The following LIPG variants were observed in gnomAD, a reference collection of about 807,000 sequenced individuals.
LIPG encodes endothelial lipase.
In LIPG, 34 loss-of-function variants were observed where a neutral mutation model predicts 51.8. That is an observed-to-expected ratio of 0.66 (90% CI 0.50 to 0.87). The LOEUF is 0.87. Ranked by LOEUF, LIPG falls within the 40% of genes least tolerant of loss-of-function variation. The pLI is 0.00. For synonymous variants in LIPG, 246 were observed against 246.1 expected (o/e 1.00, Z 0.00); for missense variants, 580 against 652.7 (o/e 0.89, Z 1.21).
intron 5 of LIPG, among the ~76,000 whole-genome samples, chr18:49,576,456 G>GTTTTTTTTT (rs1568530697): frequency 3.2e-5 from 1 of 31,328 alleles, no homozygotes; most frequent in Non-Finnish European, 6.3e-5. Flanking sequence ...ACAGAATCTT[G>GTTTTTTTTT]CTTTTTTTTT....
chr18:49,583,022 C>T (rs1349232091), intron 7 of LIPG, among the ~76,000 whole-genome samples: 1 of 152,152 alleles, frequency 6.6e-6, no homozygotes, highest in Non-Finnish European at 1.5e-5. Flanking sequence ...CACACTTACA[C>T]ACAGGTAGGG....
intron 4 of LIPG, among the ~76,000 whole-genome samples, chr18:49,571,869 T>C (rs1292018322): frequency 6.6e-6 from 1 of 152,184 alleles, no homozygotes; most frequent in Non-Finnish European, 1.5e-5. Context: ...TTTCTTAGGC[T>C]TCTGAGAGAA....
chr18:49,564,567 A>C (rs1425123142), intron 1 of LIPG, among the ~76,000 whole-genome samples: 1 of 152,246 alleles, frequency 6.6e-6, no homozygotes, highest in Admixed American at 6.5e-5. Flanking sequence ...ACATGCCATC[A>C]CTAGAAAGGG....
chr18:49,575,957 G>A (rs950216587), intron 5 of LIPG, among the ~76,000 whole-genome samples: 4 of 151,430 alleles, frequency 2.6e-5, no homozygotes, highest in African/African-American at 9.7e-5. Context: ...TCCTGACTCA[G>A]CCTCCTGAGT....
intron 8 of LIPG, among the ~76,000 whole-genome samples, chr18:49,585,252 G>A (rs2084869068): frequency 6.6e-6 from 1 of 151,866 alleles, no homozygotes; most frequent in Admixed American, 6.6e-5. Flanking sequence ...TATTACAGAC[G>A]GGGTTTCGCC....
In LIPG at chr18:49,562,227, G is replaced by A; in HGVS notation, c.-82G>A. ...CCCTGGCCGAGAGAAGGGTCTTACC[G>A]GCCGGGATTGCTGGAAACACCAAGA... On this transcript the variant is annotated 5_prime_UTR_variant, in exon 1 of 10. Coordinates refer to ENST00000261292, the MANE Select transcript of LIPG (RefSeq NM_006033.4). 1.9e-6 allele frequency: 3 copies of A among 1,608,376 alleles called. No homozygotes were observed. The highest frequency in any genetic ancestry group is 2.5e-6 in the Non-Finnish European group (3 of 1,178,928).
rs144399612 is a variant in LIPG at position 49,587,240 on chromosome 18, C to T, written c.1481+390C>T. Among the ~76,000 whole-genome samples the T allele has an allele frequency of 7.3e-4, 110 of 151,482 alleles. 2 individuals are homozygous for T. Among genetic ancestry groups the T allele is most frequent in the African/African-American group, 2.6e-3 (106 of 41,262 alleles). ...AGTGAGCTGAGACCGCAATGTTGCA[C>T]TCCAGCCTAGGTGACAAGAATGAAG... On this transcript the variant is annotated intron_variant, in intron 9 of 9. Coordinates refer to ENST00000261292, the MANE Select transcript of LIPG (RefSeq NM_006033.4).
Position 49,597,544 on chromosome 18 carries a change from C to G in LIPG, c.*7022C>G, listed in dbSNP as rs911766922. On this transcript the variant is annotated 3_prime_UTR_variant, in exon 10 of 10. Coordinates refer to ENST00000261292, the MANE Select transcript of LIPG (RefSeq NM_006033.4). ...TCCTAAACCTTTGTGGTTATCCATA[C>G]CATTTAACCTTGACTTTCCTTAAAT... 2 of 152,164 alleles carry G rather than the reference C, an allele frequency of 1.3e-5. No homozygotes were observed. Among genetic ancestry groups the G allele is most frequent in the African/African-American group, 2.4e-5 (1 of 41,438 alleles). The allele number at this position is 152,164 out of a possible 1,614,324, so 9.4% of individuals were successfully genotyped here.
intron 6 of LIPG, 122 bp downstream of exon 6, chr18:49,581,779 G>A (rs945162294): frequency 8.0e-6 from 10 of 1,249,920 alleles, no homozygotes; most frequent in Middle Eastern, 2.6e-4. Context: ...CAATCAAATC[G>A]TTGCAAATCA....
intron 5 of LIPG, among the ~76,000 whole-genome samples, chr18:49,578,050 A>G (rs1441638391): frequency 2.2e-4 from 26 of 116,720 alleles, no homozygotes; most frequent in Admixed American, 1.6e-3. Context: ...CCCGGATGGC[A>G]CGGCTGGCCG....
Position 49,581,544 on chromosome 18 carries a change from G to C in LIPG, c.923G>C (p.Cys308Ser). ...TDSNRFKKGI[C>S]LSCRKNRCNS... ...TCCAATCGCTTCAAAAAGGGGATCT[G>C]TCTGAGCTGCCGCAAGAACCGTTGT... Residue 308 changes from cysteine (C) to serine (S), a missense_variant, in exon 6 of 10, where the codon TGT becomes TCT. Cys to Ser is a moderately radical substitution (Grantham distance 112). Transcript: ENST00000261292. The C allele has an allele frequency of 6.2e-7, 1 of 1,614,218 alleles. No individual in the cohort carries two copies. Among genetic ancestry groups the C allele is most frequent in the Admixed American group, 1.7e-5 (1 of 60,026 alleles).
At chr18:49,584,374 C>A (rs893135592) in intron 8 of LIPG, among the ~76,000 whole-genome samples, 1 of 152,220 alleles carries the variant, frequency 6.6e-6, no homozygotes, top group Non-Finnish European at 1.5e-5. Context: ...CCAAGCCTAG[C>A]ATAAAAGATC....
At chr18:49,582,508 G>C in intron 7 of LIPG, 26 bp downstream of exon 7, 1 of 1,614,160 alleles carries the variant, frequency 6.2e-7, no homozygotes, top group Non-Finnish European at 8.5e-7. Flanking sequence ...CCCTTGCTGG[G>C]TTCGGGACAG....
intron 4 of LIPG, among the ~76,000 whole-genome samples, chr18:49,570,883 G>C (rs888838195): frequency 6.6e-6 from 1 of 152,178 alleles, no homozygotes; most frequent in African/African-American, 2.4e-5. Flanking sequence ...TAACGATTTG[G>C]TAAAGGTAGA....
rs1555778414 is a variant in LIPG, at chr18:49,579,743, T to TC, written c.794-1671dup. On this transcript the variant is annotated intron_variant, in intron 5 of 9. Coordinates refer to ENST00000261292, the MANE Select transcript of LIPG (RefSeq NM_006033.4). ...CCTCAGAATATAGGATGATGGCCTTTCTTTCCTTTCCTTTCCTTTCCTTTC... is the reference window on the plus strand; with the variant it reads ...CCTCAGAATATAGGATGATGGCCTTTCCTTTCCTTTCCTTTCCTTTCCTTTC... 1.5e-4 allele frequency among the ~76,000 whole-genome samples: 20 copies of TC among 131,094 alleles called. No homozygotes were observed. The East Asian group carries it at 1.6e-3, about 11-fold the overall frequency. 86.0% of individuals were successfully genotyped at this position (131,094 alleles called of 152,430 possible).
upstream of LIPG, chr18:49,561,843 C>T: frequency 1.6e-6 from 2 of 1,252,192 alleles, no homozygotes; most frequent in Non-Finnish European, 2.0e-6. Context: ...CAGCTGCCTG[C>T]GGAGCGGGCC....
At chr18:49,580,533 T>G (rs1425537643) in intron 5 of LIPG, among the ~76,000 whole-genome samples, 2 of 152,112 alleles carry the variant, frequency 1.3e-5, no homozygotes, top group African/African-American at 2.4e-5. Flanking sequence ...GTCCCACCTA[T>G]TTGGGAGGCT....
At chr18:49,573,999 C>G (rs2084689893) in intron 4 of LIPG, among the ~76,000 whole-genome samples, 1 of 152,206 alleles carries the variant, frequency 6.6e-6, no homozygotes, top group African/African-American at 2.4e-5. Context: ...TAGCAACTCT[C>G]TCCATCAGAA....
chr18:49,587,451 C>A (rs896658602), intron 9 of LIPG, among the ~76,000 whole-genome samples: 3 of 151,682 alleles, frequency 2.0e-5, no homozygotes, highest in African/African-American at 7.3e-5. Context: ...TGCCTGTAGT[C>A]CCAGCTACTC....
Sources: gnomAD v4.1 joint callset for allele counts (sites outside exome capture counted in the v4.1 genomes callset) on GRCh38, gnomAD v4.1.1 for gene constraint, MANE v1.5 for transcripts, NCBI Gene and HGNC (gene_info 2026-07-23, HGNC 2026-07-21) for gene names.